The following PCCA variants were observed in gnomAD, a reference collection of about 807,000 sequenced individuals.
PCCA encodes propionyl-CoA carboxylase alpha chain, mitochondrial.
PCCA carries 74 observed loss-of-function variants against 101.3 expected under a neutral mutation model. The ratio of observed to expected loss-of-function variants is 0.73; its 90% CI spans 0.61 to 0.89. The LOEUF is 0.89. Among genes scored for constraint, PCCA ranks in the 40% least tolerant of loss-of-function variants. The pLI, the probability that PCCA is intolerant of heterozygous loss-of-function variation, is 0.00. For synonymous variants in PCCA, 294 were observed against 313.6 expected (o/e 0.94, Z 0.66); for missense variants, 891 against 907.0 (o/e 0.98, Z 0.23).
In PCCA at chr13:100,478,057, C is replaced by A. The variant is rs149413352; in HGVS notation, c.1899+28752C>A. On this transcript the variant is annotated intron_variant, in intron 21 of 23. Coordinates refer to ENST00000376285, the MANE Select transcript of PCCA (RefSeq NM_000282.4). ...CTTTTGTTTCTTAGCAAATGATCAG[C>A]TGTGAACTGCCCTTGGCCTAACTTG... Among the ~76,000 whole-genome samples the A allele has an allele frequency of 8.1e-3, 1,240 of 152,334 alleles. 8 individuals are homozygous for A. The highest frequency in any genetic ancestry group is 0.011 in the Non-Finnish European group (760 of 68,024).
At chr13:100,300,618 A>G (rs1204207809) in intron 12 of PCCA, among the ~76,000 whole-genome samples, 3 of 152,264 alleles carry the variant, frequency 2.0e-5, no homozygotes, top group Admixed American at 2.0e-4. Context: ...CTTAGAACTT[A>G]TTCAAGGTTT....
intron 12 of PCCA, among the ~76,000 whole-genome samples, chr13:100,295,836 A>G (rs1359901054): frequency 6.6e-6 from 1 of 152,208 alleles, no homozygotes; most frequent in Non-Finnish European, 1.5e-5. Context: ...CCAAGTTAAC[A>G]CACACTGCGT....
intron 21 of PCCA, among the ~76,000 whole-genome samples, chr13:100,477,970 G>A (rs1396791191): frequency 2.6e-5 from 4 of 152,236 alleles, no homozygotes; most frequent in Non-Finnish European, 5.9e-5. Context: ...CCAGCCCTGC[G>A]CTGACGGCCG....
chr13:100,380,265 G>A (rs918303092), intron 19 of PCCA, among the ~76,000 whole-genome samples: 8 of 152,108 alleles, frequency 5.3e-5, no homozygotes, highest in African/African-American at 1.7e-4. Flanking sequence ...AGAAGGCTGG[G>A]GTTGGAGGAT....
At chr13:100,503,751 A>T (rs1241553106) in intron 21 of PCCA, among the ~76,000 whole-genome samples, 1 of 151,984 alleles carries the variant, frequency 6.6e-6, no homozygotes, top group Non-Finnish European at 1.5e-5. Context: ...AAAAAATTTA[A>T]AAAAAAATTA....
chr13:100,509,497 A>G (rs2086319592), intron 21 of PCCA, among the ~76,000 whole-genome samples: 1 of 152,158 alleles, frequency 6.6e-6, no homozygotes, highest in South Asian at 2.1e-4. Flanking sequence ...ACTCGTTTTT[A>G]CCCTATTAAG....
chr13:100,472,209 C>T (rs1266218889), intron 21 of PCCA, among the ~76,000 whole-genome samples: 1 of 152,144 alleles, frequency 6.6e-6, no homozygotes, highest in Admixed American at 6.5e-5. Context: ...ATTTCCCTTA[C>T]TGCGCATGTG....
At chr13:100,241,430 C>T (rs980914536) in intron 8 of PCCA, among the ~76,000 whole-genome samples, 3 of 151,980 alleles carry the variant, frequency 2.0e-5, no homozygotes, top group Non-Finnish European at 4.4e-5. Flanking sequence ...TCCCTTTTTA[C>T]GGTTGGATAA....
At chr13:100,331,486 A>G (rs2152735703) in intron 17 of PCCA, among the ~76,000 whole-genome samples, 1 of 152,336 alleles carries the variant, frequency 6.6e-6, no homozygotes, top group Admixed American at 6.5e-5. Context: ...ATTCAGGTCA[A>G]GTTGATGTCG....
intron 4 of PCCA, among the ~76,000 whole-genome samples, chr13:100,136,901 TCTC>T (rs1226687146): frequency 2.6e-5 from 4 of 152,040 alleles, no homozygotes; most frequent in African/African-American, 9.7e-5. Flanking sequence ...ATTATTGATA[TCTC>T]CTCTGTTGTG....
intron 6 of PCCA, among the ~76,000 whole-genome samples, chr13:100,188,344 G>C (rs2057479732): frequency 9.5e-6 from 1 of 105,790 alleles, no homozygotes; most frequent in African/African-American, 3.6e-5. Flanking sequence ...AAGAAAGAAA[G>C]AAAGAATAAT....
intron 4 of PCCA, chr13:100,150,789 C>G: frequency 1.9e-6 from 3 of 1,586,254 alleles, no homozygotes; most frequent in Non-Finnish European, 1.7e-6. Flanking sequence ...GCTTGCTCCT[C>G]TGCAACGGAC....
chr13:100,384,918 C>T (rs965866580), intron 19 of PCCA, among the ~76,000 whole-genome samples: 1 of 152,020 alleles, frequency 6.6e-6, no homozygotes, highest in Non-Finnish European at 1.5e-5. Context: ...AACTGACTTA[C>T]AGTACATGAC....
chr13:100,285,864 C>A (rs1213533530), intron 12 of PCCA, among the ~76,000 whole-genome samples: 1 of 152,172 alleles, frequency 6.6e-6, no homozygotes, highest in African/African-American at 2.4e-5. Flanking sequence ...ATACGAAGGG[C>A]AGGTTACGCC....
At chr13:100,098,932 G>A (rs1397608770) in intron 1 of PCCA, among the ~76,000 whole-genome samples, 1 of 152,164 alleles carries the variant, frequency 6.6e-6, no homozygotes, top group Non-Finnish European at 1.5e-5. Flanking sequence ...TCAGAGAAGG[G>A]CATGGGCTCT....
intron 12 of PCCA, among the ~76,000 whole-genome samples, chr13:100,284,258 T>C (rs2064396490): frequency 6.6e-6 from 1 of 152,202 alleles, no homozygotes; most frequent in Non-Finnish European, 1.5e-5. Context: ...CCCACACCTT[T>C]ATTAGGGAGG....
intron 1 of PCCA, among the ~76,000 whole-genome samples, chr13:100,098,978 A>C (rs767178569): frequency 6.6e-6 from 1 of 152,192 alleles, no homozygotes; most frequent in Non-Finnish European, 1.5e-5. Flanking sequence ...GTCATAATAC[A>C]TGGATAAGAC....
chr13:100,178,905 A>G (rs994065994), intron 6 of PCCA, among the ~76,000 whole-genome samples: 15 of 151,418 alleles, frequency 9.9e-5, no homozygotes, highest in African/African-American at 2.7e-4. Context: ...GTGAAACCCC[A>G]TCTCTACTAA....
intron 21 of PCCA, among the ~76,000 whole-genome samples, chr13:100,512,244 T>G (rs1410369705): frequency 6.6e-6 from 1 of 152,214 alleles, no homozygotes; most frequent in East Asian, 1.9e-4. Context: ...ATTCCTTTTC[T>G]TTCTTTCTTT....
Sources: gnomAD v4.1 joint callset for allele counts (sites outside exome capture counted in the v4.1 genomes callset) on GRCh38, gnomAD v4.1.1 for gene constraint, MANE v1.5 for transcripts, NCBI Gene and HGNC (gene_info 2026-07-23, HGNC 2026-07-21) for gene names.